WDR48: variants seen among roughly 807,000 people sequenced by gnomAD.
WDR48 encodes WD repeat domain 48, also known as WD repeat-containing protein 48.
In WDR48, 22 loss-of-function variants were observed where a neutral mutation model predicts 94.0. The ratio of observed to expected loss-of-function variants is 0.23; its 90% CI spans 0.17 to 0.33. WDR48 has a LOEUF of 0.33. Ranked by LOEUF, WDR48 falls within the 10% of genes least tolerant of loss-of-function variation. The pLI, the probability that WDR48 is intolerant of heterozygous loss-of-function variation, is 1.00. For synonymous variants in WDR48, 278 were observed against 280.5 expected, an observed-to-expected ratio of 0.99 and a Z score of 0.09; for missense variants, 541 against 813.8, an observed-to-expected ratio of 0.66 and a Z score of 4.08.
chr3:39,079,752 A>C lies in WDR48; in HGVS notation c.1117A>C (p.Arg373=). The change falls in exon 11 of 19, where the codon AGA becomes CGA. Residue 373 remains arginine, a synonymous_variant. Transcript: ENST00000302313. ...IIQCHILNDK[R]HILTKDTNNN... ...TCAGTGCCACATTCTTAATGATAAGAGACATATATTAACCAAAGATACCAA... is the reference window on the plus strand; with the variant it reads ...TCAGTGCCACATTCTTAATGATAAGCGACATATATTAACCAAAGATACCAA... 1 of 1,561,256 alleles carries C rather than the reference A, an allele frequency of 6.4e-7. No homozygotes were observed.
Position 39,067,137 on chromosome 3 carries a change from T to G in WDR48, c.481+262T>G, listed in dbSNP as rs77550047. Reference sequence around the variant, plus strand: ...GCATGTCTTAGCTCCCTAGCTAAAATGTAAGTCCCTGCAGGGTAGAGGAGA... The same window carrying G: ...GCATGTCTTAGCTCCCTAGCTAAAAGGTAAGTCCCTGCAGGGTAGAGGAGA... On this transcript the variant is annotated intron_variant, in intron 5 of 18. Coordinates refer to ENST00000302313, the MANE Select transcript of WDR48 (RefSeq NM_020839.4). 0.013 allele frequency among the ~76,000 whole-genome samples: 1,949 copies of G among 152,278 alleles called. 15 individuals are homozygous for G. The highest frequency in any genetic ancestry group is 0.021 in the Non-Finnish European group (1,440 of 68,026).
intron 6 of WDR48, among the ~76,000 whole-genome samples, 171 bp from the exon 7 acceptor site, chr3:39,069,472 G>A (rs1024708478): frequency 7.2e-5 from 11 of 152,320 alleles, no homozygotes; most frequent in Admixed American, 3.3e-4. Context: ...CATTTTTGAT[G>A]TTTGAAAGGC....
Position 39,066,545 on chromosome 3 carries a change from T to G in WDR48, c.269-3T>G. 1 of 1,613,158 alleles carries G rather than the reference T, an allele frequency of 6.2e-7. No homozygotes were observed. On this transcript the variant is annotated splice_region_variant and splice_polypyrimidine_tract_variant and intron_variant, in intron 3 of 18. Coordinates refer to ENST00000302313, the MANE Select transcript of WDR48 (RefSeq NM_020839.4). ...GAGTTTGTTAATTCTTTGCTTCTTC[T>G]AGTAATATCTGCTTCTTCTGACACG...
chr3:39,060,510 T>G (rs974351514), intron 1 of WDR48, among the ~76,000 whole-genome samples: 1 of 152,036 alleles, frequency 6.6e-6, no homozygotes, highest in African/African-American at 2.4e-5. Context: ...TTTTGTAACA[T>G]TATTGTGAAT....
intron 15 of WDR48, 83 bp downstream of exon 15, chr3:39,088,316 T>C: frequency 7.7e-7 from 1 of 1,295,466 alleles, no homozygotes; most frequent in Non-Finnish European, 1.1e-6. Context: ...AGTATTTCGA[T>C]ATTAGAAATA....
At chr3:39,072,387 T>G (rs942576522) in intron 7 of WDR48, among the ~76,000 whole-genome samples, 3 of 152,238 alleles carry the variant, frequency 2.0e-5, no homozygotes, top group Admixed American at 6.5e-5. Context: ...CTTTTGGTAA[T>G]ACAAGTCTGC....
At chr3:39,064,239 T>A (rs1039048212) in intron 2 of WDR48, among the ~76,000 whole-genome samples, 9 of 151,910 alleles carry the variant, frequency 5.9e-5, no homozygotes, top group African/African-American at 2.2e-4. Flanking sequence ...ATTTTCAGTG[T>A]CCCTCAAGGT....
rs147741658 is a variant in WDR48 at position 39,052,068 on chromosome 3, G to A, written c.43G>A (p.Val15Met). Residue 15 changes from valine (V) to methionine (M), a missense_variant, in exon 1 of 19, where the codon GTG becomes ATG. By Grantham distance (21) the Val-to-Met change is conservative. This residue lies in a region of WDR48 where 90 missense variants were observed against 122.3 expected (regional missense o/e 0.74). Coordinates refer to ENST00000302313, the MANE Select transcript of WDR48 (RefSeq NM_020839.4). ...HRQNTAGRRK[V>M]QVSYVIRDEV... is the part of the protein sequence containing the mutation. ...GCAGAACACAGCAGGGCGGAGGAAA[G>A]TGCAGGTATGGAAGCCCGGTTCCTC... 29 of 1,613,840 alleles carry A rather than the reference G, an allele frequency of 1.8e-5. No homozygotes were observed. Among genetic ancestry groups the A allele is most frequent in the Non-Finnish European group, 2.3e-5 (27 of 1,179,930 alleles).
intron 8 of WDR48, 29 bp downstream of exon 8, chr3:39,074,979 A>G (rs1257502967): frequency 6.2e-7 from 1 of 1,603,756 alleles, no homozygotes. Flanking sequence ...TTTTAGTTTT[A>G]TAATTAAGGT....
At chr3:39,085,759 C>T (rs2034778843) in intron 14 of WDR48, 149 bp downstream of exon 14, 6 of 664,944 alleles carry the variant, frequency 9.0e-6, no homozygotes, top group Non-Finnish European at 1.5e-5. Context: ...AAAGTAGGAA[C>T]ATCCATCCAG....
intron 1 of WDR48, 131 bp downstream of exon 1, chr3:39,052,204 C>T: frequency 8.9e-7 from 1 of 1,126,958 alleles, no homozygotes. Flanking sequence ...CGCGGCCGGC[C>T]ACGAGGGGTG....
chr3:39,074,379 CA>C (rs2034102040), intron 7 of WDR48, among the ~76,000 whole-genome samples: 1 of 152,124 alleles, frequency 6.6e-6, no homozygotes, highest in Non-Finnish European at 1.5e-5. Flanking sequence ...AAATTACCAC[CA>C]ACAACCTAGC....
Position 39,094,881 on chromosome 3 carries a change from T to A in WDR48, c.*138T>A. ...GGTATGGACCGAGATTATCTTTCAA[T>A]TGAAGTGACTAATCGAGATGTAATA... is the stretch of plus-strand genomic sequence containing the variant. On this transcript the variant is annotated 3_prime_UTR_variant, in exon 19 of 19. Transcript: ENST00000302313. 1 of 1,107,114 alleles carries A rather than the reference T, an allele frequency of 9.0e-7. No individual in the cohort carries two copies. The highest frequency in any genetic ancestry group is 1.3e-6 in the Non-Finnish European group (1 of 774,586). The allele number at this position is 1,107,114 out of a possible 1,614,324, so 68.6% of individuals were successfully genotyped here.
At chr3:39,069,769 A>G in intron 7 of WDR48, 25 bp downstream of exon 7, 1 of 1,586,560 alleles carries the variant, frequency 6.3e-7, no homozygotes, top group Non-Finnish European at 8.6e-7. Flanking sequence ...TTGGGTGTTT[A>G]CCTAATAACC....
chr3:39,058,078 T>C (rs1021121027), intron 1 of WDR48, among the ~76,000 whole-genome samples: 1 of 152,238 alleles, frequency 6.6e-6, no homozygotes, highest in Non-Finnish European at 1.5e-5. Flanking sequence ...CCCATGTTTA[T>C]CAGTCTAGAC....
At position 39,059,053 on chromosome 3, in the gene WDR48, C is replaced by T. The variant is rs370600306; in HGVS notation, c.49-3997C>T. 1.3e-4 allele frequency among the ~76,000 whole-genome samples: 16 copies of T among 127,036 alleles called. No homozygotes were observed. In the East Asian group the frequency reaches 2.5e-3, roughly 20 times the overall value. 83.3% of individuals were successfully genotyped at this position (127,036 alleles called of 152,430 possible). A position where few individuals can be genotyped will look rare whatever the true frequency, so the allele number is the denominator to read the frequency against. On this transcript the variant is annotated intron_variant, in intron 1 of 18. Coordinates refer to ENST00000302313, the MANE Select transcript of WDR48 (RefSeq NM_020839.4). ...TCGCACCACTGCACTCCAGCCTGGG[C>T]GATACAGTGAGACTCCGTCTCAAAA...
Position 39,071,963 on chromosome 3 carries a change from T to G in WDR48, c.672+2219T>G, listed in dbSNP as rs565057078. Among the ~76,000 whole-genome samples the G allele has an allele frequency of 2.2e-3, 342 of 152,364 alleles. 1 individual carries two copies. The highest frequency in any genetic ancestry group is 7.8e-3 in the African/African-American group (325 of 41,582). ...AAACTTCTACTTACAGATTCTTGAA[T>G]TCTTGTAATATGGAAGAGGTGGTTA... is the stretch of plus-strand genomic sequence containing the variant. On this transcript the variant is annotated intron_variant, in intron 7 of 18. Transcript: ENST00000302313.
chr3:39,078,000 C>T (rs1159205038), intron 9 of WDR48, 137 bp from the exon 10 acceptor site: 2 of 610,282 alleles, frequency 3.3e-6, no homozygotes, highest in East Asian at 5.7e-5. Flanking sequence ...GTACTGTGAC[C>T]AAATATTTTT....
chr3:39,076,699 C>G (rs2034242605), intron 8 of WDR48, among the ~76,000 whole-genome samples: 1 of 152,152 alleles, frequency 6.6e-6, no homozygotes, highest in Admixed American at 6.5e-5. Flanking sequence ...TCCCAGGTGT[C>G]CCGTCCTTAG....
Sources: allele counts gnomAD v4.1 joint callset (sites outside exome capture counted in the v4.1 genomes callset), GRCh38; gene constraint gnomAD v4.1.1; regional missense constraint gnomAD v4.1.1; transcripts MANE v1.5; gene names NCBI Gene and HGNC (gene_info 2026-07-23, HGNC 2026-07-21).